The following PCDHGA9 variants were observed in gnomAD, a reference collection of about 807,000 sequenced individuals.
The protein encoded by PCDHGA9 is protocadherin gamma subfamily A, 9.
PCDHGA9 carries 37 observed loss-of-function variants against 62.5 expected under a neutral mutation model. The ratio of observed to expected loss-of-function variants is 0.59; its 90% CI spans 0.46 to 0.78. PCDHGA9 has a LOEUF of 0.78. Among genes scored for constraint, PCDHGA9 ranks in the 30% least tolerant of loss-of-function variants. The pLI, the probability that PCDHGA9 is intolerant of heterozygous loss-of-function variation, is 0.00. For synonymous variants in PCDHGA9, 459 were observed against 484.6 expected (o/e 0.95, Z 0.69); for missense variants, 1,138 against 1,166.2 (o/e 0.98, Z 0.35).
At position 141,477,177 on chromosome 5, in the gene PCDHGA9, T is replaced by C; in HGVS notation, c.2425-17630T>C. The C allele has an allele frequency of 6.2e-7, 1 of 1,614,160 alleles. No individual in the cohort carries two copies. On this transcript the variant is annotated intron_variant, in intron 1 of 3. Coordinates refer to ENST00000573521, the MANE Select transcript of PCDHGA9 (RefSeq NM_018921.3). This position sits in a 1 kb window ranked among gnomAD's most constrained non-coding sequence, Gnocchi z 4.9. Reference sequence around the variant, plus strand: ...AATGACAACGCCCCGGAGATCACAGTCACCTCCGTGTACAGCCCAGTACCC... The same window carrying C: ...AATGACAACGCCCCGGAGATCACAGCCACCTCCGTGTACAGCCCAGTACCC...
rs531285035 is a variant in PCDHGA9, at chr5:141,493,409, C to T, written c.2425-1398C>T. Among the ~76,000 whole-genome samples, 4 of 152,286 alleles carry T rather than the reference C, an allele frequency of 2.6e-5. No homozygotes were observed. The East Asian group carries it at 7.7e-4, about 29-fold the overall frequency. On this transcript the variant is annotated intron_variant, in intron 1 of 3. Coordinates refer to ENST00000573521, the MANE Select transcript of PCDHGA9 (RefSeq NM_018921.3). The surrounding 1 kb of genome is among the most constrained non-coding windows in gnomAD (Gnocchi z 4.3). Reference sequence around the variant, plus strand: ...GGACAGGAGAGGGGAGTTGCCTCTGCTGGGATTTTGCTTCTGCTGGGATGG... The same window carrying T: ...GGACAGGAGAGGGGAGTTGCCTCTGTTGGGATTTTGCTTCTGCTGGGATGG...
At chr5:141,406,189 C>G (rs1277183811) in intron 1 of PCDHGA9, among the ~76,000 whole-genome samples, 1 of 151,722 alleles carries the variant, frequency 6.6e-6, no homozygotes, top group Admixed American at 6.6e-5. Context: ...CCTCCCACCT[C>G]AGCCTTCACA....
chr5:141,409,572 A>G (rs1440637025), intron 1 of PCDHGA9: 2 of 1,613,920 alleles, frequency 1.2e-6, no homozygotes, highest in South Asian at 1.1e-5. Context: ...CAGACGTCCT[A>G]CGTGGTCCAC....
chr5:141,476,564 C>G lies in PCDHGA9; in HGVS notation c.2425-18243C>G, dbSNP rs2099393821. 1.2e-6 allele frequency: 2 copies of G among 1,614,196 alleles called. No individual in the cohort carries two copies. Among genetic ancestry groups the G allele is most frequent in the South Asian group, 1.1e-5 (1 of 91,086 alleles). ...ATTGGAGATTAGCGAGGCCGTGGCT[C>G]CGGGGACGCGCTTTCCGCTCGAGAG... On this transcript the variant is annotated intron_variant, in intron 1 of 3. Coordinates refer to ENST00000573521, the MANE Select transcript of PCDHGA9 (RefSeq NM_018921.3). This position sits in a 1 kb window ranked among gnomAD's most constrained non-coding sequence, Gnocchi z 7.6.
At position 141,490,782 on chromosome 5, in the gene PCDHGA9, ACGGATCTTTGCC is replaced by A; in HGVS notation, c.2425-4023_2425-4012del. 6.2e-7 allele frequency: 1 copy of A among 1,614,054 alleles called. No individual in the cohort carries two copies. Among genetic ancestry groups the A allele is most frequent in the Non-Finnish European group, 8.5e-7 (1 of 1,179,952 alleles). ...TTGTGTATGTCAACCCAGAGGATGGACGGATCTTTGCCCAGCGTACCTTTGACTATGAATTGC... is the reference window on the plus strand; with the variant it reads ...TTGTGTATGTCAACCCAGAGGATGGACAGCGTACCTTTGACTATGAATTGC... On this transcript the variant is annotated intron_variant, in intron 1 of 3. Transcript: ENST00000573521. This position sits in a 1 kb window ranked among gnomAD's most constrained non-coding sequence, Gnocchi z 5.4.
At position 141,421,681 on chromosome 5, in the gene PCDHGA9, C is replaced by T. The variant is rs750692137; in HGVS notation, c.2424+16305C>T. 4 of 1,613,858 alleles carry T rather than the reference C, an allele frequency of 2.5e-6. No homozygotes were observed. In the South Asian group the frequency reaches 4.4e-5, roughly 18 times the overall value. Reference sequence around the variant, plus strand: ...CAGTGAGCACGCAATTCCTGGGGCGCGATTTGCTCTTCCTAATGCTAGGGA... The same window carrying T: ...CAGTGAGCACGCAATTCCTGGGGCGTGATTTGCTCTTCCTAATGCTAGGGA... On this transcript the variant is annotated intron_variant, in intron 1 of 3. Coordinates refer to ENST00000573521, the MANE Select transcript of PCDHGA9 (RefSeq NM_018921.3).
intron 2 of PCDHGA9, among the ~76,000 whole-genome samples, chr5:141,501,166 C>T (rs1443045812): frequency 6.6e-6 from 1 of 152,154 alleles, no homozygotes; most frequent in African/African-American, 2.4e-5. Flanking sequence ...CATCCCCAGC[C>T]TCATTTACAT....
At chr5:141,423,163 G>A (rs758720418) in intron 1 of PCDHGA9, 2 of 1,613,480 alleles carry the variant, frequency 1.2e-6, no homozygotes, top group South Asian at 2.2e-5. Context: ...CCTCGTGGTG[G>A]CCGTCCAGGA....
rs1000775080 is a variant in PCDHGA9 at position 141,487,567 on chromosome 5, G to C, written c.2425-7240G>C. 2 of 1,614,168 alleles carry C rather than the reference G, an allele frequency of 1.2e-6. No individual in the cohort carries two copies. The highest frequency in any genetic ancestry group is 1.7e-6 in the Non-Finnish European group (2 of 1,180,036). ...CACCCAGTGCACCTATGGCAGGGGA[G>C]CCTGTTCGCCCAAGCTGCCCACCCT... On this transcript the variant is annotated intron_variant, in intron 1 of 3. Coordinates refer to ENST00000573521, the MANE Select transcript of PCDHGA9 (RefSeq NM_018921.3). The surrounding 1 kb of genome is among the most constrained non-coding windows in gnomAD (Gnocchi z 5.0).
chr5:141,481,897 G>A (rs916673176), intron 1 of PCDHGA9, among the ~76,000 whole-genome samples: 3 of 128,712 alleles, frequency 2.3e-5, no homozygotes, highest in South Asian at 5.0e-4. Context: ...CTGGGTGAAA[G>A]AGCGAAACTC....
intron 1 of PCDHGA9, chr5:141,410,073 G>T: frequency 6.2e-7 from 1 of 1,612,940 alleles, no homozygotes; most frequent in South Asian, 1.1e-5. Context: ...CTGCGCACTG[G>T]GGAGGTGCGC....
At chr5:141,409,700 G>C (rs1561722120) in intron 1 of PCDHGA9, 4 of 1,613,280 alleles carry the variant, frequency 2.5e-6, no homozygotes, top group Non-Finnish European at 3.4e-6. Context: ...AGAGCCCCTG[G>C]CGGTGTCGTC....
In PCDHGA9 at chr5:141,486,017, A is replaced by G. The variant is rs746747518; in HGVS notation, c.2425-8790A>G. On this transcript the variant is annotated intron_variant, in intron 1 of 3. Transcript: ENST00000573521. The surrounding 1 kb of genome is among the most constrained non-coding windows in gnomAD (Gnocchi z 5.0). ...CAGTGGTAACGTCACCTTTTATTTC[A>G]GTGGTCATACCCCTGATCGTGTAAG... The G allele has an allele frequency of 6.2e-7, 1 of 1,614,176 alleles. No homozygotes were observed. The highest frequency in any genetic ancestry group is 1.7e-5 in the Admixed American group (1 of 60,026).
At chr5:141,419,190 A>G in intron 1 of PCDHGA9, 1 of 1,613,930 alleles carries the variant, frequency 6.2e-7, no homozygotes, top group South Asian at 1.1e-5. Flanking sequence ...CACATTACTG[A>G]CGTCAATGAC....
In PCDHGA9 at chr5:141,422,062, A is replaced by G. The variant is rs776838280; in HGVS notation, c.2424+16686A>G. The G allele has an allele frequency of 1.2e-6, 2 of 1,612,022 alleles. No individual in the cohort carries two copies. The highest frequency in any genetic ancestry group is 2.7e-5 in the African/African-American group (2 of 74,802). ...AGACGAGGGAATCAACGGGGAAGTAATGTATTCATTTCGGAACATGGAAAG... is the reference window on the plus strand; with the variant it reads ...AGACGAGGGAATCAACGGGGAAGTAGTGTATTCATTTCGGAACATGGAAAG... On this transcript the variant is annotated intron_variant, in intron 1 of 3. Transcript: ENST00000573521.
intron 1 of PCDHGA9, chr5:141,414,230 C>G (rs367888906): frequency 6.2e-7 from 1 of 1,613,190 alleles, no homozygotes; most frequent in Non-Finnish European, 8.5e-7. Flanking sequence ...CCAGAGCTGA[C>G]CATCACGTCT....
chr5:141,448,505 T>C (rs1041076095), intron 1 of PCDHGA9, among the ~76,000 whole-genome samples: 24 of 152,172 alleles, frequency 1.6e-4, no homozygotes, highest in African/African-American at 5.8e-4. Flanking sequence ...AGGTAAACAT[T>C]TTATAACTTT....
chr5:141,431,537 C>A lies in PCDHGA9; in HGVS notation c.2424+26161C>A, dbSNP rs2097391571. On this transcript the variant is annotated intron_variant, in intron 1 of 3. Transcript: ENST00000573521. This position sits in a 1 kb window ranked among gnomAD's most constrained non-coding sequence, Gnocchi z 4.8. ...TCCGGAGAATCTGGCCTTGGGCACG[C>A]AGCTGCTTGTAGTCAACGCTACCGA... 6.2e-7 allele frequency: 1 copy of A among 1,614,102 alleles called. No individual in the cohort carries two copies. The highest frequency in any genetic ancestry group is 1.3e-5 in the African/African-American group (1 of 75,072).
At chr5:141,455,394 C>T (rs1034564159) in intron 1 of PCDHGA9, among the ~76,000 whole-genome samples, 2 of 152,004 alleles carry the variant, frequency 1.3e-5, no homozygotes, top group African/African-American at 4.8e-5. Context: ...AAGGAGCTCC[C>T]CCTTACAGAG....
Sources: gnomAD v4.1 joint callset for allele counts (sites outside exome capture counted in the v4.1 genomes callset) on GRCh38, gnomAD v4.1.1 for gene constraint, Gnocchi (gnomAD v3.1) non-coding constraint, MANE v1.5 for transcripts, NCBI Gene and HGNC (gene_info 2026-07-23, HGNC 2026-07-21) for gene names.